Variants in SDK1 observed in about 807,000 individuals in gnomAD.
SDK1 encodes protein sidekick-1.
In SDK1, 157 loss-of-function variants were observed where a neutral mutation model predicts 245.5. The ratio of observed to expected loss-of-function variants is 0.64; its 90% CI spans 0.56 to 0.73. The LOEUF (loss-of-function observed/expected upper bound fraction) is 0.73, where lower values mean the gene tolerates loss of function less well. Ranked by LOEUF, SDK1 falls within the 30% of genes least tolerant of loss-of-function variation. SDK1 has a pLI of 0.00. For missense variants in SDK1, 3,583 were observed against 3,002.3 expected, an observed-to-expected ratio of 1.19 and a Z score of -4.52; for synonymous variants, 1,647 against 1,278.5, an observed-to-expected ratio of 1.29 and a Z score of -6.15.
chr7:4,022,728 C>T lies in SDK1; in HGVS notation c.2602+5376C>T, dbSNP rs77536567. ...TAGTGAGCACAGTGCGATGTTGACC[C>T]CACCACTCACTGGCCACACTCCTCG... On this transcript the variant is annotated intron_variant, in intron 17 of 44. Coordinates refer to ENST00000404826, the MANE Select transcript of SDK1 (RefSeq NM_152744.4). Among the ~76,000 whole-genome samples, 777 of 152,076 alleles carry T rather than the reference C, an allele frequency of 5.1e-3. 6 individuals are homozygous for T. The highest frequency in any genetic ancestry group is 0.018 in the African/African-American group (743 of 41,472).
At chr7:4,234,883 C>G (rs930606336) in intron 41 of SDK1, among the ~76,000 whole-genome samples, 4 of 152,190 alleles carry the variant, frequency 2.6e-5, no homozygotes, top group African/African-American at 4.8e-5. Context: ...GCAGCAGAGC[C>G]TCAGCCAGAA....
chr7:3,443,832 T>C (rs1386199579), intron 1 of SDK1, among the ~76,000 whole-genome samples: 7 of 152,180 alleles, frequency 4.6e-5, no homozygotes, highest in African/African-American at 1.7e-4. Flanking sequence ...GATATCACCA[T>C]TGGAAGTTGT....
At chr7:3,739,024 T>G (rs1296411143) in intron 4 of SDK1, among the ~76,000 whole-genome samples, 1 of 152,124 alleles carries the variant, frequency 6.6e-6, no homozygotes, top group Non-Finnish European at 1.5e-5. Context: ...TATCTAAGAA[T>G]AGAGGTAATT....
intron 4 of SDK1, among the ~76,000 whole-genome samples, chr7:3,670,926 C>T (rs188454069): frequency 7.9e-5 from 12 of 152,278 alleles, no homozygotes; most frequent in Admixed American, 4.6e-4. Flanking sequence ...TCTTTGATTC[C>T]TACAAGGACA....
intron 12 of SDK1, 34 bp downstream of exon 12, chr7:3,971,602 G>T (rs757274090): frequency 1.4e-6 from 2 of 1,468,446 alleles, no homozygotes; most frequent in African/African-American, 1.4e-5. Context: ...TTTGGGGCTT[G>T]TTGATATTCT....
chr7:4,237,431 G>C (rs1786239849), intron 41 of SDK1, among the ~76,000 whole-genome samples: 1 of 151,952 alleles, frequency 6.6e-6, no homozygotes, highest in African/African-American at 2.4e-5. Flanking sequence ...TGGCAAATGG[G>C]GGCTGTTGAA....
chr7:3,961,832 C>G (rs1359441310), intron 8 of SDK1, among the ~76,000 whole-genome samples: 1 of 152,132 alleles, frequency 6.6e-6, no homozygotes, highest in African/African-American at 2.4e-5. Context: ...TGTAAATGTA[C>G]ACACATGCAC....
rs1449552156 is a variant in SDK1, at chr7:4,049,343, C to T, written c.2603-5C>T. 1 of 1,612,664 alleles carries T rather than the reference C, an allele frequency of 6.2e-7. No homozygotes were observed. Among genetic ancestry groups the T allele is most frequent in the South Asian group, 1.1e-5 (1 of 91,036 alleles). Reference sequence around the variant, plus strand: ...CTGCTGTCATCAATGACTGCCCTGCCACAGTGCCCACCGCGCCCCCGCAGA... The same window carrying T: ...CTGCTGTCATCAATGACTGCCCTGCTACAGTGCCCACCGCGCCCCCGCAGA... On this transcript the variant is annotated splice_region_variant and splice_polypyrimidine_tract_variant and intron_variant, in intron 17 of 44. Transcript: ENST00000404826.
At chr7:3,807,692 G>A (rs1162696110) in intron 4 of SDK1, among the ~76,000 whole-genome samples, 1 of 152,132 alleles carries the variant, frequency 6.6e-6, no homozygotes, top group African/African-American at 2.4e-5. Flanking sequence ...CTGGGTCTGG[G>A]GCCAGGGAGA....
At position 4,096,069 on chromosome 7, in the gene SDK1, A is replaced by G. The variant is rs1039409639; in HGVS notation, c.3325-14594A>G. Reference sequence around the variant, plus strand: ...GAAACCTGTCCTGAAATGTAGCTGTAAAGCGTCCACTTTCCTGTGCATGTC... The same window carrying G: ...GAAACCTGTCCTGAAATGTAGCTGTGAAGCGTCCACTTTCCTGTGCATGTC... On this transcript the variant is annotated intron_variant, in intron 22 of 44. Coordinates refer to ENST00000404826, the MANE Select transcript of SDK1 (RefSeq NM_152744.4). Among the ~76,000 whole-genome samples the G allele has an allele frequency of 3.3e-5, 5 of 152,368 alleles. No homozygotes were observed. In the East Asian group the frequency reaches 9.6e-4, roughly 29 times the overall value.
intron 5 of SDK1, among the ~76,000 whole-genome samples, chr7:3,916,649 T>C (rs1362970086): frequency 3.3e-5 from 5 of 152,254 alleles, no homozygotes; most frequent in Non-Finnish European, 7.3e-5. Context: ...ACTTTGCCTC[T>C]GTATGTGTGT....
chr7:3,554,978 G>C (rs1166088646), intron 1 of SDK1, among the ~76,000 whole-genome samples: 1 of 152,112 alleles, frequency 6.6e-6, no homozygotes, highest in African/African-American at 2.4e-5. Context: ...TAGATTTGAA[G>C]AATCAATATT....
chr7:4,236,053 C>T (rs1016462054), intron 41 of SDK1, among the ~76,000 whole-genome samples: 2 of 152,222 alleles, frequency 1.3e-5, no homozygotes, highest in Non-Finnish European at 1.5e-5. Flanking sequence ...CCGTCACCTC[C>T]TAAGGAGCCC....
chr7:4,127,350 G>T, intron 25 of SDK1, 31 bp from the exon 26 acceptor site: 3 of 1,511,258 alleles, frequency 2.0e-6, no homozygotes, highest in Non-Finnish European at 2.8e-6. Context: ...CTAGATTTTG[G>T]ATGCTAATCT....
At chr7:3,406,134 C>G (rs561313413) in intron 1 of SDK1, among the ~76,000 whole-genome samples, 1 of 152,266 alleles carries the variant, frequency 6.6e-6, no homozygotes, top group Non-Finnish European at 1.5e-5. Flanking sequence ...ATTTTCTAAA[C>G]AAACTCTAGA....
intron 5 of SDK1, among the ~76,000 whole-genome samples, chr7:3,842,276 G>A (rs191019011): frequency 6.6e-6 from 1 of 152,322 alleles, no homozygotes; most frequent in African/African-American, 2.4e-5. Flanking sequence ...CTTAAGCTCT[G>A]CTGTGTTAGA....
At chr7:4,005,092 C>T (rs901574232) in intron 14 of SDK1, among the ~76,000 whole-genome samples, 2 of 131,182 alleles carry the variant, frequency 1.5e-5, no homozygotes, top group African/African-American at 3.0e-5. Flanking sequence ...TGTCACCAGG[C>T]TGTAGTGCAG....
chr7:4,102,131 C>T (rs1227821018), intron 22 of SDK1, among the ~76,000 whole-genome samples: 1 of 152,198 alleles, frequency 6.6e-6, no homozygotes, highest in African/African-American at 2.4e-5. Flanking sequence ...ATAAACGCAG[C>T]ACAGCGTCGA....
intron 8 of SDK1, among the ~76,000 whole-genome samples, chr7:3,961,335 AG>A (rs1037086268): frequency 1.5e-4 from 23 of 152,248 alleles, no homozygotes; most frequent in African/African-American, 5.5e-4. Flanking sequence ...AACATAATTA[AG>A]GCAAAGAAGA....
Sources: allele counts gnomAD v4.1 joint callset (sites outside exome capture counted in the v4.1 genomes callset), GRCh38; gene constraint gnomAD v4.1.1; transcripts MANE v1.5; gene names NCBI Gene and HGNC (gene_info 2026-07-23, HGNC 2026-07-21).